Variants in RNF220 observed in about 807,000 individuals in gnomAD.
RNF220 encodes E3 ubiquitin-protein ligase RNF220.
Under a neutral mutation model 67.1 loss-of-function variants are expected in RNF220, and 7 were observed. The observed-to-expected ratio is 0.10, with a 90% confidence interval of 0.06 to 0.20. RNF220 has a LOEUF of 0.20. RNF220 is among the 10% of genes least tolerant of loss of function. RNF220 has a pLI of 1.00. For synonymous variants in RNF220, 270 were observed against 283.2 expected (o/e 0.95, Z 0.47); for missense variants, 565 against 740.3 (o/e 0.76, Z 2.75).
intron 2 of RNF220, among the ~76,000 whole-genome samples, chr1:44,431,622 C>T (rs2147868284): frequency 6.6e-6 from 1 of 152,078 alleles, no homozygotes; most frequent in South Asian, 2.1e-4. Context: ...CTGTTTGTGG[C>T]TATATCTATG....
chr1:44,650,620 A>G lies in RNF220; in HGVS notation c.1630-84A>G. 2 of 1,436,890 alleles carry G rather than the reference A, an allele frequency of 1.4e-6. No individual in the cohort carries two copies. The highest frequency in any genetic ancestry group is 3.6e-4 in the Middle Eastern group (2 of 5,590). The allele number at this position is 1,436,890 out of a possible 1,614,324, so 89.0% of individuals were successfully genotyped here. On this transcript the variant is annotated intron_variant, in intron 14 of 14. Transcript: ENST00000361799. This position sits in a 1 kb window ranked among gnomAD's most constrained non-coding sequence, Gnocchi z 4.3. The stretch of plus-strand genomic sequence containing the variant: ...AAGGTCTCAGCACACACTGGTGCAG[A>G]GAGACATGGCTGCAGGCCCAGGTGC...
intron 6 of RNF220, chr1:44,632,612 C>G: frequency 1.7e-6 from 1 of 586,188 alleles, no homozygotes; most frequent in South Asian, 2.0e-5. Context: ...TCTAAAGGCC[C>G]TGAAGAACCC....
chr1:44,411,087 C>A lies in RNF220; in HGVS notation c.-117-894C>A, dbSNP rs368465020. On this transcript the variant is annotated intron_variant, in intron 1 of 14. Coordinates refer to ENST00000361799, the MANE Select transcript of RNF220 (RefSeq NM_018150.4). ...AACATTTTGTTCTAAATGTTAATGGCAAATCCAAGGCAGTTTACAAATCTA... is the reference window on the plus strand; with the variant it reads ...AACATTTTGTTCTAAATGTTAATGGAAAATCCAAGGCAGTTTACAAATCTA... 3.3e-5 allele frequency among the ~76,000 whole-genome samples: 5 copies of A among 152,170 alleles called. No individual in the cohort carries two copies. The East Asian group carries it at 5.8e-4, about 18-fold the overall frequency.
intron 2 of RNF220, among the ~76,000 whole-genome samples, chr1:44,444,617 T>G (rs969259228): frequency 6.6e-6 from 1 of 152,036 alleles, no homozygotes; most frequent in Admixed American, 6.6e-5. Flanking sequence ...ATTTTTGTAT[T>G]TTTTGTAGAG....
intron 5 of RNF220, among the ~76,000 whole-genome samples, chr1:44,630,930 T>C (rs1016728755): frequency 2.0e-5 from 3 of 152,196 alleles, no homozygotes; most frequent in South Asian, 2.1e-4. Context: ...TTTTGTCCAA[T>C]AGAAAGATCA....
rs537103380 is a variant in RNF220, at chr1:44,593,342, CT to C, written c.626-20820del. 1.2e-3 allele frequency among the ~76,000 whole-genome samples: 183 copies of C among 152,310 alleles called. 1 individual carries two copies. The highest frequency in any genetic ancestry group is 4.1e-3 in the African/African-American group (171 of 41,558). On this transcript the variant is annotated intron_variant, in intron 2 of 14. Coordinates refer to ENST00000361799, the MANE Select transcript of RNF220 (RefSeq NM_018150.4). ...AGGAGCCCAAAGTTTCATTTTTAAG[CT>C]TTCGACCAACATGACCTCAGGCAAC... is the stretch of plus-strand genomic sequence containing the variant.
Position 44,490,565 on chromosome 1 carries a change from C to A in RNF220, c.625+77843C>A, listed in dbSNP as rs200562257. 2.7e-5 allele frequency among the ~76,000 whole-genome samples: 4 copies of A among 150,778 alleles called. No individual in the cohort carries two copies. The East Asian group carries it at 7.8e-4, about 29-fold the overall frequency. On this transcript the variant is annotated intron_variant, in intron 2 of 14. Coordinates refer to ENST00000361799, the MANE Select transcript of RNF220 (RefSeq NM_018150.4). ...AATAGATAAAAATGAAAACACAACA[C>A]CAAAACTTATGACATACAGCTAAAA... is the stretch of plus-strand genomic sequence containing the variant.
rs755515795 is a variant in RNF220, at chr1:44,635,529, C to T, written c.950-16C>T. On this transcript the variant is annotated splice_polypyrimidine_tract_variant and intron_variant, in intron 6 of 14. Transcript: ENST00000361799. ...GTCTGCTTGTTCTGTGCTTTGTTTT[C>T]GGTTTCCCCGTGCAGCTCGGATTGG... 6.8e-6 allele frequency: 11 copies of T among 1,611,660 alleles called. No homozygotes were observed. Among genetic ancestry groups the T allele is most frequent in the East Asian group, 2.2e-5 (1 of 44,858 alleles).
chr1:44,649,294 A>G lies in RNF220; in HGVS notation c.1446-367A>G. The G allele has an allele frequency of 3.5e-6, 1 of 288,236 alleles. No individual in the cohort carries two copies. The highest frequency in any genetic ancestry group is 6.6e-6 in the Non-Finnish European group (1 of 150,538). 17.9% of individuals were successfully genotyped at this position (288,236 alleles called of 1,614,324 possible). On this transcript the variant is annotated intron_variant, in intron 12 of 14. Coordinates refer to ENST00000361799, the MANE Select transcript of RNF220 (RefSeq NM_018150.4). This position sits in a 1 kb window ranked among gnomAD's most constrained non-coding sequence, Gnocchi z 5.9. ...CCTGGAGGCAGAAAGGCTGTCTGGA[A>G]AAAGTTAGTGGTGGAATTGGTGGAA... is the stretch of plus-strand genomic sequence containing the variant.
intron 2 of RNF220, among the ~76,000 whole-genome samples, chr1:44,535,811 C>G (rs998415105): frequency 6.6e-6 from 1 of 152,178 alleles, no homozygotes; most frequent in African/African-American, 2.4e-5. Flanking sequence ...AGCGAGCAGA[C>G]CTTTGAAGAA....
At chr1:44,405,989 T>G (rs551239524) in intron 1 of RNF220, among the ~76,000 whole-genome samples, 1 of 152,096 alleles carries the variant, frequency 6.6e-6, no homozygotes, top group Admixed American at 6.5e-5. Context: ...CCCCCGGTGA[T>G]TTCCGGGCTC....
At chr1:44,446,595 T>A (rs966840051) in intron 2 of RNF220, among the ~76,000 whole-genome samples, 2 of 151,136 alleles carry the variant, frequency 1.3e-5, no homozygotes, top group Non-Finnish European at 3.0e-5. Flanking sequence ...AGTCTTGCTC[T>A]GTCACCCAGG....
chr1:44,553,246 C>G (rs1319323271), intron 2 of RNF220, among the ~76,000 whole-genome samples: 1 of 152,100 alleles, frequency 6.6e-6, no homozygotes, highest in African/African-American at 2.4e-5. Flanking sequence ...GCTTGTCGGT[C>G]TCTCCAACAA....
intron 2 of RNF220, among the ~76,000 whole-genome samples, chr1:44,511,414 G>GT (rs1658985102): frequency 6.6e-6 from 1 of 152,230 alleles, no homozygotes; most frequent in African/African-American, 2.4e-5. Context: ...GGACAGACCA[G>GT]TGAGCATGTA....
chr1:44,456,581 A>G (rs1385804940), intron 2 of RNF220, among the ~76,000 whole-genome samples: 2 of 152,188 alleles, frequency 1.3e-5, no homozygotes, highest in East Asian at 3.8e-4. Context: ...CCTGTCCTCA[A>G]GGAGCTTCGT....
At chr1:44,489,567 G>A (rs1656663525) in intron 2 of RNF220, among the ~76,000 whole-genome samples, 1 of 152,204 alleles carries the variant, frequency 6.6e-6, no homozygotes, top group South Asian at 2.1e-4. Context: ...CATCTACCTG[G>A]TTAAAACCAC....
intron 2 of RNF220, among the ~76,000 whole-genome samples, chr1:44,520,245 G>A (rs1282807833): frequency 2.6e-5 from 4 of 152,028 alleles, no homozygotes; most frequent in South Asian, 2.1e-4. Flanking sequence ...GGCGGATCAC[G>A]AGGTCAGGAG....
intron 2 of RNF220, among the ~76,000 whole-genome samples, chr1:44,480,106 A>G (rs1404206663): frequency 6.6e-6 from 1 of 152,186 alleles, no homozygotes; most frequent in African/African-American, 2.4e-5. Context: ...GCACCTTGCT[A>G]TTTAAAATGA....
chr1:44,632,280 G>A (rs1227427436), intron 5 of RNF220, 63 bp from the exon 6 acceptor site: 5 of 1,613,758 alleles, frequency 3.1e-6, no homozygotes, highest in Non-Finnish European at 4.2e-6. Context: ...CGGGGGCCAG[G>A]ACTGCAGGCC....
Sources: allele counts gnomAD v4.1 joint callset (sites outside exome capture counted in the v4.1 genomes callset), GRCh38; gene constraint gnomAD v4.1.1; non-coding constraint Gnocchi (gnomAD v3.1); transcripts MANE v1.5; gene names NCBI Gene and HGNC (gene_info 2026-07-23, HGNC 2026-07-21).